TPCN1: variants seen among roughly 807,000 people sequenced by gnomAD.
The protein encoded by TPCN1 is two pore segment channel 1.
TPCN1 carries 52 observed loss-of-function variants against 108.8 expected under a neutral mutation model. The ratio of observed to expected loss-of-function variants is 0.48; its 90% CI spans 0.38 to 0.60. The LOEUF (loss-of-function observed/expected upper bound fraction) is 0.60, where lower values mean the gene tolerates loss of function less well. TPCN1 is among the 20% of genes least tolerant of loss of function. The probability of loss-of-function intolerance (pLI) is 0.00; values close to 1 mark genes in which losing one functional copy is unlikely to be tolerated. For synonymous variants in TPCN1, 446 were observed against 433.7 expected (o/e 1.03, Z -0.35); for missense variants, 806 against 1,072.8 (o/e 0.75, Z 3.47).
intron 12 of TPCN1, among the ~76,000 whole-genome samples, 167 bp downstream of exon 12, chr12:113,277,531 G>A (rs2136675129): frequency 6.6e-6 from 1 of 152,266 alleles, no homozygotes; most frequent in South Asian, 2.1e-4. Context: ...TCATCAGGAT[G>A]CCTTTTGCAA....
chr12:113,285,302 G>A (rs1956032080), intron 17 of TPCN1, among the ~76,000 whole-genome samples: 1 of 152,222 alleles, frequency 6.6e-6, no homozygotes, highest in Admixed American at 6.5e-5. Flanking sequence ...AGGTAGAAGG[G>A]GTAGTCAGGA....
intron 3 of TPCN1, among the ~76,000 whole-genome samples, chr12:113,265,548 C>CTTT (rs773726528): frequency 1.4e-5 from 2 of 140,968 alleles, no homozygotes; most frequent in Admixed American, 7.1e-5. Context: ...CTTTTTCTTT[C>CTTT]TTTTTTTTTT....
intron 15 of TPCN1, among the ~76,000 whole-genome samples, chr12:113,283,259 GT>G (rs1235665554): frequency 6.6e-6 from 1 of 152,156 alleles, no homozygotes. Flanking sequence ...CAATATATCT[GT>G]CTTAAACAAT....
chr12:113,273,672 A>G lies in TPCN1; in HGVS notation c.942+4A>G. On this transcript the variant is annotated splice_donor_region_variant and intron_variant, in intron 10 of 27. Coordinates refer to ENST00000335509, the MANE Select transcript of TPCN1 (RefSeq NM_017901.6). This position sits in a 1 kb window ranked among gnomAD's most constrained non-coding sequence, Gnocchi z 4.0. Reference sequence around the variant, plus strand: ...GCTGTATTTCATCATGAACCTGGTGAGTGACTATGCCTCAGGCTACGCTGA... The same window carrying G: ...GCTGTATTTCATCATGAACCTGGTGGGTGACTATGCCTCAGGCTACGCTGA... The G allele has an allele frequency of 6.2e-7, 1 of 1,612,466 alleles. No individual in the cohort carries two copies. Among genetic ancestry groups the G allele is most frequent in the African/African-American group, 1.3e-5 (1 of 75,004 alleles).
At chr12:113,287,532 C>A (rs776084576) in intron 19 of TPCN1, 4 of 165,780 alleles carry the variant, frequency 2.4e-5, no homozygotes, top group South Asian at 1.8e-4. Flanking sequence ...AAGTCCCAGA[C>A]GAGCCTGCCC....
At chr12:113,282,061 C>T (rs2136702264) in intron 15 of TPCN1, among the ~76,000 whole-genome samples, 1 of 149,930 alleles carries the variant, frequency 6.7e-6, no homozygotes, top group African/African-American at 2.5e-5. Context: ...GCTGGGATTA[C>T]AGGTGCCCAC....
chr12:113,244,845 TGTGGGGA>T, intron 2 of TPCN1: 3 of 847,864 alleles, frequency 3.5e-6, no homozygotes, highest in Non-Finnish European at 4.3e-6. Flanking sequence ...GATCGTGAAC[TGTGGGGA>T]GTGGAGGAGG....
Position 113,291,888 on chromosome 12 carries a change from C to T in TPCN1, c.2043C>T (p.Ile681=). The change falls in exon 25 of 28, where the codon ATC becomes ATT. Residue 681 remains isoleucine (I), a synonymous_variant. Coordinates refer to ENST00000335509, the MANE Select transcript of TPCN1 (RefSeq NM_017901.6). ...TCCCTGGCCAGGTGGTGATGACGATCATTGTCGCCTTTATCCTCGAGGCCT... is the reference window on the plus strand; with the variant it reads ...TCCCTGGCCAGGTGGTGATGACGATTATTGTCGCCTTTATCCTCGAGGCCT... ...FYIVTMVVMT[I]IVAFILEAFV... The T allele has an allele frequency of 6.3e-7, 1 of 1,595,406 alleles. No individual in the cohort carries two copies. Among genetic ancestry groups the T allele is most frequent in the Non-Finnish European group, 8.6e-7 (1 of 1,168,902 alleles).
intron 2 of TPCN1, among the ~76,000 whole-genome samples, chr12:113,230,185 G>A (rs1036349628): frequency 2.0e-5 from 3 of 151,918 alleles, no homozygotes; most frequent in South Asian, 4.2e-4. Flanking sequence ...TTTCTGCTTC[G>A]GTATCTTGAT....
At chr12:113,255,148 T>C (rs1226571643) in intron 2 of TPCN1, among the ~76,000 whole-genome samples, 1 of 152,210 alleles carries the variant, frequency 6.6e-6, no homozygotes, top group African/African-American at 2.4e-5. Context: ...GAAACGCCCA[T>C]GACATATTTA....
intron 15 of TPCN1, among the ~76,000 whole-genome samples, chr12:113,281,054 A>G (rs756327244): frequency 2.4e-4 from 37 of 151,932 alleles, no homozygotes; most frequent in Non-Finnish European, 3.2e-4. Context: ...TAGATTCTCA[A>G]TCCTTTTTTT....
intron 14 of TPCN1, among the ~76,000 whole-genome samples, chr12:113,279,345 A>ATGTGTGTG (rs1191314168): frequency 2.3e-5 from 2 of 88,326 alleles, no homozygotes; most frequent in African/African-American, 1.0e-4. Flanking sequence ...GTGTATATAT[A>ATGTGTGTG]TGTGTGTGTG....
In TPCN1 at chr12:113,267,933, C is replaced by G. The variant is rs143865064; in HGVS notation, c.505C>G (p.Arg169Gly). 6.2e-7 allele frequency: 1 copy of G among 1,613,534 alleles called. No homozygotes were observed. Among genetic ancestry groups the G allele is most frequent in the South Asian group, 1.1e-5 (1 of 91,016 alleles). ...LRWLGLHTFI[R>G]HKRTMVKTSV... ...CTGGCTGGGCCTCCACACCTTCATC[C>G]GGCACAAGCGGACCATGGTCAAGGT... The change falls in exon 5 of 28, where the codon CGG becomes GGG. Residue 169 changes from arginine (R) to glycine (G), a missense_variant. By Grantham distance (125) the Arg-to-Gly change is moderately radical. Coordinates refer to ENST00000335509, the MANE Select transcript of TPCN1 (RefSeq NM_017901.6).
chr12:113,280,926 TG>T (rs1307771858), intron 15 of TPCN1, among the ~76,000 whole-genome samples: 1 of 152,168 alleles, frequency 6.6e-6, no homozygotes, highest in Non-Finnish European at 1.5e-5. Context: ...ACTAGGGTTT[TG>T]TTTTTTTTAA....
chr12:113,287,075 C>A lies in TPCN1; in HGVS notation c.1615C>A (p.Arg539Ser), dbSNP rs755945359. ...GCCCTTCTATTTCATCGTGGTCCTGCGCCCCCTCCAGCTGCTGAGGTGATG... is the reference window on the plus strand; with the variant it reads ...GCCCTTCTATTTCATCGTGGTCCTGAGCCCCCTCCAGCTGCTGAGGTGATG... ...MEPFYFIVVL[R>S]PLQLLRLFKL... The change falls in exon 19 of 28, where the codon CGC becomes AGC. Residue 539 changes from arginine (R) to serine (S), a missense_variant. Physicochemically the swap from Arg to Ser is moderately radical, Grantham distance 110. Transcript: ENST00000335509. 1 of 1,613,548 alleles carries A rather than the reference C, an allele frequency of 6.2e-7. No individual in the cohort carries two copies. The highest frequency in any genetic ancestry group is 8.5e-7 in the Non-Finnish European group (1 of 1,179,798).
intron 10 of TPCN1, among the ~76,000 whole-genome samples, chr12:113,274,841 T>C (rs1426393059): frequency 1.3e-5 from 2 of 152,246 alleles, no homozygotes; most frequent in Non-Finnish European, 2.9e-5. Context: ...CAGAGCCCTG[T>C]TCCTAACCAC....
chr12:113,288,320 G>GAAAGGAGTTCCAC lies in TPCN1; in HGVS notation c.1706+93_1706+105dup. 1 of 1,587,744 alleles carries GAAAGGAGTTCCAC rather than the reference G, an allele frequency of 6.3e-7. No individual in the cohort carries two copies. Among genetic ancestry groups the GAAAGGAGTTCCAC allele is most frequent in the East Asian group, 2.3e-5 (1 of 43,458 alleles). On this transcript the variant is annotated intron_variant, in intron 20 of 27. Transcript: ENST00000335509. This position sits in a 1 kb window ranked among gnomAD's most constrained non-coding sequence, Gnocchi z 4.8. ...GGCGGGAGCCGAGTGGCAGTCGGGGGAAAGGAGTTCCACAAAGGACTGCAA... is the reference window on the plus strand; with the variant it reads ...GGCGGGAGCCGAGTGGCAGTCGGGGGAAAGGAGTTCCACAAAGGAGTTCCACAAAGGACTGCAA...
chr12:113,260,261 G>A (rs1482313012), intron 2 of TPCN1, 107 bp from the exon 3 acceptor site: 2 of 1,256,450 alleles, frequency 1.6e-6, no homozygotes, highest in African/African-American at 3.1e-5. Flanking sequence ...ATGACGGGAT[G>A]TCCATGTGAG....
intron 2 of TPCN1, among the ~76,000 whole-genome samples, chr12:113,254,130 C>T (rs1954748968): frequency 6.6e-6 from 1 of 152,148 alleles, no homozygotes; most frequent in Non-Finnish European, 1.5e-5. Flanking sequence ...AAAGCTTTCT[C>T]AATAAGAATA....
Sources: gnomAD v4.1 joint callset for allele counts (sites outside exome capture counted in the v4.1 genomes callset) on GRCh38, gnomAD v4.1.1 for gene constraint, Gnocchi (gnomAD v3.1) non-coding constraint, MANE v1.5 for transcripts, NCBI Gene and HGNC (gene_info 2026-07-23, HGNC 2026-07-21) for gene names.